Variants in MRTFA observed in about 807,000 individuals in gnomAD.
MRTFA encodes the protein myocardin related transcription factor A, also known as myocardin-related transcription factor A.
MRTFA carries 20 observed loss-of-function variants against 83.5 expected under a neutral mutation model. The ratio of observed to expected loss-of-function variants is 0.24; its 90% CI spans 0.17 to 0.35. The LOEUF (loss-of-function observed/expected upper bound fraction) is 0.35, where lower values mean the gene tolerates loss of function less well. Ranked by LOEUF, MRTFA falls within the 10% of genes least tolerant of loss-of-function variation. The pLI, the probability that MRTFA is intolerant of heterozygous loss-of-function variation, is 1.00. For synonymous variants in MRTFA, 659 were observed against 541.2 expected (o/e 1.22, Z -3.02); for missense variants, 1,200 against 1,224.7 (o/e 0.98, Z 0.30).
intron 3 of MRTFA, among the ~76,000 whole-genome samples, chr22:40,551,276 G>A (rs1163533184): frequency 1.3e-5 from 2 of 152,208 alleles, no homozygotes; most frequent in East Asian, 3.9e-4. Context: ...ACTAGGAATA[G>A]GGGAATAAGA....
intron 2 of MRTFA, among the ~76,000 whole-genome samples, chr22:40,553,405 C>T (rs1301821462): frequency 6.6e-6 from 1 of 152,168 alleles, no homozygotes; most frequent in African/African-American, 2.4e-5. Flanking sequence ...CAGGGCCTTC[C>T]TGCTCTGTGC....
At chr22:40,446,342 A>C (rs1157720580) in intron 4 of MRTFA, among the ~76,000 whole-genome samples, 1 of 152,236 alleles carries the variant, frequency 6.6e-6, no homozygotes, top group South Asian at 2.1e-4. Context: ...AATGTTCAAG[A>C]GGCCACTTAA....
intron 3 of MRTFA, among the ~76,000 whole-genome samples, chr22:40,483,779 T>C (rs2054131218): frequency 6.6e-6 from 1 of 152,088 alleles, no homozygotes; most frequent in Non-Finnish European, 1.5e-5. Context: ...ACTGCAGCCT[T>C]GACCTCCCGG....
At position 40,410,737 on chromosome 22, in the gene MRTFA, T is replaced by A. The variant is rs2052493716; in HGVS notation, c.*653A>T. 4.3e-6 allele frequency: 1 copy of A among 232,960 alleles called. No individual in the cohort carries two copies. Among genetic ancestry groups the A allele is most frequent in the African/African-American group, 2.2e-5 (1 of 45,340 alleles). The allele number at this position is 232,960 out of a possible 1,614,324, so 14.4% of individuals were successfully genotyped here. A position where few individuals can be genotyped will look rare whatever the true frequency, so the allele number is the denominator to read the frequency against. On this transcript the variant is annotated 3_prime_UTR_variant, in exon 15 of 15. Transcript: ENST00000355630. ...GTAACCTTGCATCCAGGCCCTTCTG[T>A]GAGAGTAGGATGGGAGGGAGTTGCA... is the stretch of plus-strand genomic sequence containing the variant.
At chr22:40,572,154 C>T (rs1369411162) in intron 2 of MRTFA, among the ~76,000 whole-genome samples, 1 of 151,954 alleles carries the variant, frequency 6.6e-6, no homozygotes, top group Non-Finnish European at 1.5e-5. Context: ...AGAATTGGGA[C>T]ACATATAGAG....
intron 2 of MRTFA, among the ~76,000 whole-genome samples, chr22:40,584,149 A>G (rs1290666988): frequency 6.6e-6 from 1 of 152,210 alleles, no homozygotes; most frequent in Non-Finnish European, 1.5e-5. Flanking sequence ...AGACTCTTGT[A>G]AGGTCTCAAA....
At chr22:40,536,628 C>T (rs1462612116) in intron 3 of MRTFA, among the ~76,000 whole-genome samples, 43 of 69,652 alleles carry the variant, frequency 6.2e-4, no homozygotes, top group African/African-American at 2.3e-3. Flanking sequence ...GGAGCGTCTC[C>T]GCCCGGCCGC....
chr22:40,591,907 G>A (rs2056126032), intron 2 of MRTFA, among the ~76,000 whole-genome samples: 1 of 152,134 alleles, frequency 6.6e-6, no homozygotes, highest in Admixed American at 6.5e-5. Context: ...GTATCTCCAG[G>A]TAATTCTGCT....
chr22:40,635,686 C>T (rs2056688754), intron 1 of MRTFA, among the ~76,000 whole-genome samples: 1 of 152,202 alleles, frequency 6.6e-6, no homozygotes, highest in African/African-American at 2.4e-5. Flanking sequence ...ATCCCAAAAG[C>T]AAACATTTCT....
intron 3 of MRTFA, among the ~76,000 whole-genome samples, chr22:40,534,040 T>A (rs1179728858): frequency 6.6e-6 from 1 of 152,210 alleles, no homozygotes; most frequent in Non-Finnish European, 1.5e-5. Flanking sequence ...AGACTGCTGT[T>A]AATGCAGTTT....
At chr22:40,504,477 GC>G (rs1402688160) in intron 3 of MRTFA, among the ~76,000 whole-genome samples, 1 of 152,178 alleles carries the variant, frequency 6.6e-6, no homozygotes, top group African/African-American at 2.4e-5. Flanking sequence ...CATCACATCA[GC>G]CTTTCTGTTA....
At position 40,418,410 on chromosome 22, in the gene MRTFA, T is replaced by C. The variant is rs1040374744; in HGVS notation, c.2328A>G (p.Ala776=). ...TCCCACTGGACAGGCCAGGGCTGTC[T>C]GCATTCTTATTGGTCACGGTGAGGA... The change falls in exon 12 of 15, where the codon GCA becomes GCG. Residue 776 remains alanine (A), a synonymous_variant. Coordinates refer to ENST00000355630, the MANE Select transcript of MRTFA (RefSeq NM_020831.6). 2 of 1,613,904 alleles carry C rather than the reference T, an allele frequency of 1.2e-6. No homozygotes were observed. The highest frequency in any genetic ancestry group is 2.7e-5 in the African/African-American group (2 of 74,914).
chr22:40,484,041 T>C (rs1008716229), intron 3 of MRTFA, among the ~76,000 whole-genome samples: 54 of 151,788 alleles, frequency 3.6e-4, no homozygotes, highest in African/African-American at 1.3e-3. Flanking sequence ...TGGGAAGCAG[T>C]AGGGAATAGA....
chr22:40,546,634 C>T (rs769469185), intron 3 of MRTFA, among the ~76,000 whole-genome samples: 23 of 152,180 alleles, frequency 1.5e-4, no homozygotes, highest in Non-Finnish European at 2.1e-4. Context: ...GTAGAGAAAG[C>T]AATGACTGTA....
intron 4 of MRTFA, among the ~76,000 whole-genome samples, chr22:40,459,782 TACACACACACACACACACACAC>T (rs745698441): frequency 3.4e-5 from 3 of 88,914 alleles, no homozygotes; most frequent in Non-Finnish European, 4.1e-5. Context: ...TGATAAAATA[TACACACACACACACACACACAC>T]ACACACACAC....
At chr22:40,620,427 T>C (rs1432795688) in intron 1 of MRTFA, among the ~76,000 whole-genome samples, 1 of 145,038 alleles carries the variant, frequency 6.9e-6, no homozygotes, top group Admixed American at 6.8e-5. Context: ...TGCAGTCTTT[T>C]TTTTTTTTTT....
Position 40,571,685 on chromosome 22 carries a change from G to A in MRTFA, c.-21-19318C>T, listed in dbSNP as rs12160121. 5.9e-3 allele frequency among the ~76,000 whole-genome samples: 903 copies of A among 151,878 alleles called. 20 individuals carry two copies. The Middle Eastern group carries it at 0.061, about 10-fold the overall frequency. On this transcript the variant is annotated intron_variant, in intron 2 of 14. Coordinates refer to ENST00000355630, the MANE Select transcript of MRTFA (RefSeq NM_020831.6). ...TATAATCCCGGCACTTTGAGAGGCCGAGGTAAGTCGATCACGAGACCAGGA... is the reference window on the plus strand; with the variant it reads ...TATAATCCCGGCACTTTGAGAGGCCAAGGTAAGTCGATCACGAGACCAGGA...
intron 1 of MRTFA, among the ~76,000 whole-genome samples, chr22:40,630,752 G>C (rs2056633322): frequency 1.3e-5 from 2 of 152,084 alleles, no homozygotes; most frequent in African/African-American, 4.8e-5. Flanking sequence ...AACCAGGCTG[G>C]AGCACAGTGG....
At chr22:40,608,607 G>A (rs1021979488) in intron 1 of MRTFA, among the ~76,000 whole-genome samples, 1 of 152,100 alleles carries the variant, frequency 6.6e-6, no homozygotes, top group Non-Finnish European at 1.5e-5. Context: ...CTCAACCTCA[G>A]GTCTGTTTGA....
Sources: gnomAD v4.1 joint callset for allele counts (sites outside exome capture counted in the v4.1 genomes callset) on GRCh38, gnomAD v4.1.1 for gene constraint, MANE v1.5 for transcripts, NCBI Gene and HGNC (gene_info 2026-07-23, HGNC 2026-07-21) for gene names.